The following NAV3 variants were observed in gnomAD, a reference collection of about 807,000 sequenced individuals.
NAV3 encodes the protein neuron navigator 3.
A neutral mutation model predicts 244.7 loss-of-function variants in NAV3; 87 were observed. The observed-to-expected ratio is 0.36, with a 90% CI of 0.30 to 0.42. The LOEUF (loss-of-function observed/expected upper bound fraction) is 0.42. Among genes scored for constraint, NAV3 ranks in the 20% least tolerant of loss-of-function variants. NAV3 has a pLI of 1.00. For synonymous variants in NAV3, 1,126 were observed against 1,042.2 expected (o/e 1.08, Z -1.55); for missense variants, 2,663 against 2,893.3 (o/e 0.92, Z 1.83).
chr12:77,909,508 A>T (rs995332353), intron 1 of NAV3, among the ~76,000 whole-genome samples: 2 of 152,066 alleles, frequency 1.3e-5, no homozygotes, highest in African/African-American at 4.8e-5. Context: ...TGCTGGTACC[A>T]CATGGAAAAA....
chr12:78,094,247 T>C (rs1954115200), intron 12 of NAV3, among the ~76,000 whole-genome samples: 1 of 152,234 alleles, frequency 6.6e-6, no homozygotes, highest in South Asian at 2.1e-4. Context: ...CTGAAAGCAC[T>C]GTAACAAAAA....
At chr12:77,882,299 C>A (rs1432225202) in intron 1 of NAV3, among the ~76,000 whole-genome samples, 2 of 152,006 alleles carry the variant, frequency 1.3e-5, no homozygotes, top group African/African-American at 2.4e-5. Context: ...ATGTGATTAT[C>A]CACAAGGCTG....
At chr12:77,990,241 A>G (rs1455651864) in intron 5 of NAV3, among the ~76,000 whole-genome samples, 2 of 152,316 alleles carry the variant, frequency 1.3e-5, no homozygotes, top group South Asian at 2.1e-4. Context: ...CACCTCCCCA[A>G]TTAACTAAAA....
chr12:77,912,272 A>G (rs1886672860), intron 1 of NAV3, among the ~76,000 whole-genome samples: 1 of 152,136 alleles, frequency 6.6e-6, no homozygotes, highest in Non-Finnish European at 1.5e-5. Context: ...AGAAGACAGA[A>G]GTTTAGACAT....
chr12:78,174,940 G>A (rs944540642), intron 24 of NAV3, among the ~76,000 whole-genome samples: 3 of 151,952 alleles, frequency 2.0e-5, no homozygotes, highest in Non-Finnish European at 4.4e-5. Flanking sequence ...CTCATTCTGA[G>A]TTTCCATTTA....
chr12:77,708,960 G>A (rs1365456236), intron 2 of NAV3, among the ~76,000 whole-genome samples: 1 of 152,308 alleles, frequency 6.6e-6, no homozygotes, highest in African/African-American at 2.4e-5. Flanking sequence ...GAGATTTGGG[G>A]CTGAGACGAT....
At chr12:78,017,629 T>G (rs1876447899) in intron 8 of NAV3, among the ~76,000 whole-genome samples, 1 of 152,158 alleles carries the variant, frequency 6.6e-6, no homozygotes. Flanking sequence ...AGGAAGAGAA[T>G]GCATTATCAG....
intron 7 of NAV3, among the ~76,000 whole-genome samples, chr12:77,999,661 A>G (rs1013047248): frequency 2.0e-5 from 3 of 152,202 alleles, no homozygotes; most frequent in South Asian, 2.1e-4. Context: ...AATGAAAAAC[A>G]AAAGTGTATA....
At chr12:77,665,894 A>G in intron 2 of NAV3, among the ~76,000 whole-genome samples, 1 of 152,200 alleles carries the variant, frequency 6.6e-6, no homozygotes, top group East Asian at 1.9e-4. Flanking sequence ...TAATTTTTCA[A>G]ATGAGGAAAA....
At chr12:77,656,413 C>T (rs561617945) in intron 2 of NAV3, among the ~76,000 whole-genome samples, 8,749 of 114,410 alleles carry the variant, frequency 0.076, 371 homozygotes, top group African/African-American at 0.17. Flanking sequence ...GCTAACTATC[C>T]TAAATATATA....
rs1050393318 is a variant in NAV3 at position 78,021,783 on chromosome 12, G to A, written c.1944G>A (p.Ser648=). The part of the protein sequence containing the change: ...HSENEGTALP[S]ADSCTSPTKM... ...AAAATGAAGGTACCGCTTTACCATC[G>A]GCTGACTCCTGTACCAGTCCTACAA... Residue 648 remains serine (S), a synonymous_variant, in exon 9 of 40, where the codon TCG becomes TCA. Coordinates refer to ENST00000397909, the MANE Select transcript of NAV3 (RefSeq NM_001024383.2). 1.2e-5 allele frequency: 19 copies of A among 1,609,100 alleles called. No individual in the cohort carries two copies. The highest frequency in any genetic ancestry group is 2.2e-5 in the East Asian group (1 of 44,554).
At chr12:77,830,070 T>C (rs538686210), upstream of NAV3, among the ~76,000 whole-genome samples, 8 of 152,320 alleles carry the variant, frequency 5.3e-5, no homozygotes, top group South Asian at 1.4e-3. Context: ...CATGGTACAT[T>C]AGATGTTTTC....
At chr12:77,830,723 G>A (rs1458114837), upstream of NAV3, among the ~76,000 whole-genome samples, 1 of 152,202 alleles carries the variant, frequency 6.6e-6, no homozygotes, top group Admixed American at 6.5e-5. Flanking sequence ...TGTCAGTAGT[G>A]AAAAATAGCT....
At chr12:78,116,637 A>T in intron 12 of NAV3, 135 bp from the exon 13 acceptor site, 1 of 987,032 alleles carries the variant, frequency 1.0e-6, no homozygotes, top group Non-Finnish European at 1.4e-6. Flanking sequence ...CCAAAATGTG[A>T]AATAAGTGAC....
intron 2 of NAV3, among the ~76,000 whole-genome samples, chr12:77,672,171 C>A (rs1285725951): frequency 6.6e-6 from 1 of 152,062 alleles, no homozygotes; most frequent in South Asian, 2.1e-4. Context: ...ACATCACTAA[C>A]GATCAGGGAA....
intron 7 of NAV3, among the ~76,000 whole-genome samples, chr12:78,002,133 T>TA (rs2136490015): frequency 6.6e-6 from 1 of 152,316 alleles, no homozygotes; most frequent in Admixed American, 6.5e-5. Context: ...AAACTTGTAT[T>TA]AAAAAATTAA....
At chr12:77,782,384 C>T (rs1462161094) in intron 2 of NAV3, among the ~76,000 whole-genome samples, 1 of 149,440 alleles carries the variant, frequency 6.7e-6, no homozygotes, top group Non-Finnish European at 1.5e-5. Context: ...TGTAGGTCTT[C>T]CATTTCTTTT....
intron 28 of NAV3, 49 bp from the exon 29 acceptor site, chr12:78,179,480 A>C: frequency 6.2e-7 from 1 of 1,608,884 alleles, no homozygotes; most frequent in Non-Finnish European, 8.5e-7. Flanking sequence ...TGCTTTTCTT[A>C]ATCCTCTGGC....
chr12:78,073,124 C>T (rs1400659168), intron 12 of NAV3, among the ~76,000 whole-genome samples: 5 of 131,708 alleles, frequency 3.8e-5, no homozygotes, highest in Non-Finnish European at 8.1e-5. Context: ...TGAAAACTGG[C>T]ACAAGACAGG....
Sources: allele counts gnomAD v4.1 joint callset (sites outside exome capture counted in the v4.1 genomes callset), GRCh38; gene constraint gnomAD v4.1.1; transcripts MANE v1.5; gene names NCBI Gene and HGNC (gene_info 2026-07-23, HGNC 2026-07-21).